The following FERMT1 variants were observed in gnomAD, a reference collection of about 807,000 sequenced individuals.
FERMT1 encodes fermitin family homolog 1.
A neutral mutation model predicts 85.3 loss-of-function variants in FERMT1; 60 were observed. The observed-to-expected ratio is 0.70, with a 90% CI of 0.57 to 0.87. The LOEUF (loss-of-function observed/expected upper bound fraction) is 0.87, where lower values mean the gene tolerates loss of function less well. Ranked by LOEUF, FERMT1 falls within the 40% of genes least tolerant of loss-of-function variation. The pLI is 0.00. For synonymous variants in FERMT1, 275 were observed against 301.1 expected, an observed-to-expected ratio of 0.91 and a Z score of 0.90; for missense variants, 701 against 818.9, an observed-to-expected ratio of 0.86 and a Z score of 1.76.
intron 4 of FERMT1, 59 bp from the exon 5 acceptor site, chr20:6,110,570 G>GA: frequency 3.9e-6 from 5 of 1,297,238 alleles, no homozygotes. Context: ...AAATCTTCAA[G>GA]AAAATATTAA....
intron 4 of FERMT1, among the ~76,000 whole-genome samples, chr20:6,111,659 A>G (rs968491468): frequency 9.8e-6 from 1 of 101,596 alleles, no homozygotes; most frequent in Non-Finnish European, 2.1e-5. Flanking sequence ...AAACAAACAA[A>G]AAATGAAGAA....
At chr20:6,102,385 T>C (rs959170254) in intron 6 of FERMT1, among the ~76,000 whole-genome samples, 1 of 151,950 alleles carries the variant, frequency 6.6e-6, no homozygotes, top group African/African-American at 2.4e-5. Context: ...CTTTGCTTAA[T>C]TGAAAATAGA....
In FERMT1 at chr20:6,085,279, T is replaced by C. The variant is rs763246201; in HGVS notation, c.1380A>G (p.Gln460=). Reference sequence around the variant, plus strand: ...TGCAGGCAGCCATCCATTGGGCGTATTGATTCTCCTGCAGCAAACAGAAGG... The same window carrying C: ...TGCAGGCAGCCATCCATTGGGCGTACTGATTCTCCTGCAGCAAACAGAAGG... ...EMYLRCDHEN[Q]YAQWMAACML... Residue 460 remains glutamine (Q), a synonymous_variant, in exon 12 of 15, where the codon CAA becomes CAG. Coordinates refer to ENST00000217289, the MANE Select transcript of FERMT1 (RefSeq NM_017671.5). The C allele has an allele frequency of 2.0e-5, 32 of 1,613,242 alleles. No individual in the cohort carries two copies. The highest frequency in any genetic ancestry group is 2.6e-5 in the Non-Finnish European group (31 of 1,180,018).
rs1197921486 is a variant in FERMT1 at position 6,107,583 on chromosome 20, C to T, written c.798G>A (p.Glu266=). The change falls in exon 6 of 15, where the codon GAG becomes GAA. Residue 266 remains glutamate, a synonymous_variant. Transcript: ENST00000217289. ...SLMEQGIQED[E]QLLLRFKYYS... ...AATATTTAAATCGTAAGAGCAGCTG[C>T]TCATCCTCTTGGATGCCTTGTTCCA... is the stretch of plus-strand genomic sequence containing the variant. 1 of 1,613,272 alleles carries T rather than the reference C, an allele frequency of 6.2e-7. No individual in the cohort carries two copies. The highest frequency in any genetic ancestry group is 8.5e-7 in the Non-Finnish European group (1 of 1,179,370).
intron 4 of FERMT1, among the ~76,000 whole-genome samples, chr20:6,111,519 C>G (rs1293778403): frequency 2.6e-5 from 4 of 152,104 alleles, no homozygotes; most frequent in African/African-American, 9.7e-5. Flanking sequence ...GTAATTCCAG[C>G]TACTCAGGAG....
rs1037720568 is a variant in FERMT1 at position 6,104,029 on chromosome 20, C to G, written c.849+3503G>C. Among the ~76,000 whole-genome samples, 1 of 151,914 alleles carries G rather than the reference C, an allele frequency of 6.6e-6. No homozygotes were observed. Among genetic ancestry groups the G allele is most frequent in the Non-Finnish European group, 1.5e-5 (1 of 67,978 alleles). ...GGGATTGCAGGCACATGCCATCATG[C>G]CTGGCTAATTTTTGTATTTTTAGTA... On this transcript the variant is annotated intron_variant, in intron 6 of 14. Coordinates refer to ENST00000217289, the MANE Select transcript of FERMT1 (RefSeq NM_017671.5). The surrounding 1 kb of genome is among the most constrained non-coding windows in gnomAD (Gnocchi z 4.2).
At position 6,110,433 on chromosome 20, in the gene FERMT1, G is replaced by A. The variant is rs1335504859; in HGVS notation, c.611C>T (p.Thr204Ile). 9 of 1,614,100 alleles carry A rather than the reference G, an allele frequency of 5.6e-6. No individual in the cohort carries two copies. Among genetic ancestry groups the A allele is most frequent in the Non-Finnish European group, 7.6e-6 (9 of 1,180,020 alleles). Residue 204 changes from threonine (T) to isoleucine (I), a missense_variant, in exon 5 of 15, where the codon ACT (threonine) becomes ATT (isoleucine). Transcript: ENST00000217289. ...INGTPASSTM[T>I]WFSDSPLTEQ... ...CGTCAAAGGGCTGTCACTGAACCAA[G>A]TCATGGTGGATGATGCTGGTGTTCC... is the stretch of plus-strand genomic sequence containing the variant.
chr20:6,086,140 CAA>C (rs532906778), intron 11 of FERMT1, among the ~76,000 whole-genome samples: 15 of 98,276 alleles, frequency 1.5e-4, no homozygotes, highest in East Asian at 2.9e-4. Flanking sequence ...GACTCCATCT[CAA>C]AAAAAAAAAA....
In FERMT1 at chr20:6,097,725, C is replaced by G. The variant is rs533849037; in HGVS notation, c.850-94G>C. ...ACAACTGAGGCCATTCTCTGTTAAT[C>G]AGATGCAGCAAACTTCAGCTCAGGT... is the stretch of plus-strand genomic sequence containing the variant. On this transcript the variant is annotated intron_variant, in intron 6 of 14. Transcript: ENST00000217289. The G allele has an allele frequency of 8.8e-5, 77 of 871,700 alleles. No individual in the cohort carries two copies. The African/African-American group carries it at 9.6e-4, about 11-fold the overall frequency. 54.0% of individuals were successfully genotyped at this position (871,700 alleles called of 1,614,324 possible). A position where few individuals can be genotyped will look rare whatever the true frequency, so the allele number is the denominator to read the frequency against.
chr20:6,085,817 C>T (rs1370841991), intron 11 of FERMT1, among the ~76,000 whole-genome samples: 6 of 149,536 alleles, frequency 4.0e-5, no homozygotes, highest in African/African-American at 9.9e-5. Flanking sequence ...CAAACGCACT[C>T]GAGCCTGGGC....
intron 11 of FERMT1, among the ~76,000 whole-genome samples, chr20:6,086,901 T>C (rs1982202730): frequency 1.3e-5 from 2 of 152,138 alleles, no homozygotes; most frequent in Non-Finnish European, 2.9e-5. Flanking sequence ...GGTAGTTCTT[T>C]ATAGCAATGT....
At chr20:6,106,493 G>A (rs1982799957) in intron 6 of FERMT1, among the ~76,000 whole-genome samples, 1 of 152,154 alleles carries the variant, frequency 6.6e-6, no homozygotes, top group Admixed American at 6.5e-5. Flanking sequence ...AAGAGCAACA[G>A]GCACAAAACA....
Position 6,107,524 on chromosome 20 carries a change from T to A in FERMT1, c.849+8A>T. ...AAAGAGAAAGACAAAAGAGAAAAAG[T>A]TGCTTACTTTAGGATTCAAGTCGAA... is the stretch of plus-strand genomic sequence containing the variant. On this transcript the variant is annotated splice_region_variant and intron_variant, in intron 6 of 14. Transcript: ENST00000217289. 2 of 1,551,744 alleles carry A rather than the reference T, an allele frequency of 1.3e-6. No individual in the cohort carries two copies. The highest frequency in any genetic ancestry group is 1.8e-6 in the Non-Finnish European group (2 of 1,124,740).
chr20:6,102,679 G>GAAAAAA (rs769578429), intron 6 of FERMT1, among the ~76,000 whole-genome samples: 6 of 50,660 alleles, frequency 1.2e-4, no homozygotes, highest in African/African-American at 3.4e-4. Context: ...TGTGTCTCAA[G>GAAAAAA]AAAAAAAAAA....
chr20:6,087,537 C>T, intron 11 of FERMT1: 1 of 473,606 alleles, frequency 2.1e-6, no homozygotes, highest in South Asian at 1.8e-5. Context: ...TCTTGAACTC[C>T]TGACCTCAGG....
Position 6,085,248 on chromosome 20 carries a change from C to A in FERMT1, c.1411G>T (p.Ala471Ser), listed in dbSNP as rs754389438. 3 of 1,613,926 alleles carry A rather than the reference C, an allele frequency of 1.9e-6. No individual in the cohort carries two copies. Among genetic ancestry groups the A allele is most frequent in the South Asian group, 2.2e-5 (2 of 91,072 alleles). Residue 471 changes from alanine to serine, a missense_variant, in exon 12 of 15, where the codon GCA becomes TCA. Coordinates refer to ENST00000217289, the MANE Select transcript of FERMT1 (RefSeq NM_017671.5). ...TCTGCCATGGTTTTGCCCTTCGATG[C>A]CAACATGCAGGCAGCCATCCATTGG... Reference protein sequence around the residue: ...YAQWMAACMLASKGKTMADSS... With the variant: ...YAQWMAACMLSSKGKTMADSS...
chr20:6,102,679 G>GAAAAAAAAAAAA (rs769578429), intron 6 of FERMT1, among the ~76,000 whole-genome samples: 36 of 50,424 alleles, frequency 7.1e-4, no homozygotes, highest in South Asian at 9.0e-4. Context: ...TGTGTCTCAA[G>GAAAAAAAAAAAA]AAAAAAAAAA....
At position 6,087,667 on chromosome 20, in the gene FERMT1, G is replaced by A. The variant is rs2232072; in HGVS notation, c.1371+110C>T. On this transcript the variant is annotated intron_variant, in intron 11 of 14. Transcript: ENST00000217289. The stretch of plus-strand genomic sequence containing the variant: ...TTACACTGTGATTGTTTGTTACAAA[G>A]CAATAGCTGAGTGACACAATAGTGC... The A allele has an allele frequency of 2.0e-3, 1,511 of 753,046 alleles. 28 individuals carry two copies. In the African/African-American group the frequency reaches 0.023, roughly 12 times the overall value. 46.6% of individuals were successfully genotyped at this position (753,046 alleles called of 1,614,324 possible).
chr20:6,120,124 C>G (rs1303752922), intron 1 of FERMT1, among the ~76,000 whole-genome samples: 3 of 151,864 alleles, frequency 2.0e-5, no homozygotes, highest in African/African-American at 7.3e-5. Context: ...TTATTACATT[C>G]CTCCTACAAA....
Sources: gnomAD v4.1 joint callset for allele counts (sites outside exome capture counted in the v4.1 genomes callset) on GRCh38, gnomAD v4.1.1 for gene constraint, Gnocchi (gnomAD v3.1) non-coding constraint, MANE v1.5 for transcripts, NCBI Gene and HGNC (gene_info 2026-07-23, HGNC 2026-07-21) for gene names.